Variants in ECT2L observed in about 807,000 individuals in gnomAD.
ECT2L encodes epithelial cell transforming 2 like, also known as epithelial cell-transforming sequence 2 oncogene-like.
ECT2L carries 126 observed loss-of-function variants against 122.8 expected under a neutral mutation model. The observed-to-expected ratio is 1.03, with a 90% CI of 0.89 to 1.19. The LOEUF (loss-of-function observed/expected upper bound fraction) is 1.19. ECT2L is among the 50% of genes most tolerant of loss of function. ECT2L has a pLI of 0.00. For missense variants in ECT2L, 1,012 were observed against 1,064.1 expected (o/e 0.95, Z 0.68); for synonymous variants, 385 against 381.8 (o/e 1.01, Z -0.10).
At chr6:138,801,924 T>C (rs1775557823) in intron 1 of ECT2L, among the ~76,000 whole-genome samples, 2 of 152,224 alleles carry the variant, frequency 1.3e-5, no homozygotes, top group South Asian at 4.1e-4. Flanking sequence ...TTATAAAATC[T>C]GGTGGTGGGC....
chr6:138,830,888 T>A (rs1266146204), intron 4 of ECT2L, among the ~76,000 whole-genome samples: 3 of 152,216 alleles, frequency 2.0e-5, no homozygotes, highest in South Asian at 2.1e-4. Context: ...AATATTTCTC[T>A]AACAGTGATC....
intron 14 of ECT2L, among the ~76,000 whole-genome samples, chr6:138,877,546 T>C (rs998759060): frequency 6.6e-6 from 1 of 152,154 alleles, no homozygotes; most frequent in Non-Finnish European, 1.5e-5. Flanking sequence ...AAAAAAATAA[T>C]ATGGACTGTA....
intron 4 of ECT2L, among the ~76,000 whole-genome samples, chr6:138,837,312 A>C (rs922562158): frequency 1.6e-4 from 25 of 151,966 alleles, no homozygotes; most frequent in African/African-American, 5.8e-4. Context: ...TAAACAACCA[A>C]TCTTCCAGCC....
chr6:138,846,589 G>T lies in ECT2L; in HGVS notation c.815G>T (p.Trp272Leu). ...HSYPLLSKKN[W>L]HGVHKNDDRS... ...TACCCTTTATTATCAAAGAAAAATT[G>T]GCATGGAGTTCATAAAAATGATGAC... Residue 272 changes from tryptophan (W) to leucine (L), a missense_variant, in exon 8 of 22, where the codon TGG (tryptophan) becomes TTG (leucine). By Grantham distance (61) the Trp-to-Leu change is moderately conservative. Coordinates refer to ENST00000541398, the MANE Select transcript of ECT2L (RefSeq NM_001077706.3). 1 of 1,610,314 alleles carries T rather than the reference G, an allele frequency of 6.2e-7. No individual in the cohort carries two copies. Among genetic ancestry groups the T allele is most frequent in the East Asian group, 2.2e-5 (1 of 44,828 alleles).
At chr6:138,878,302 TATATAC>T (rs1778526263) in intron 14 of ECT2L, among the ~76,000 whole-genome samples, 1 of 103,254 alleles carries the variant, frequency 9.7e-6, no homozygotes. Context: ...GATACATATA[TATATAC>T]ACACACACAC....
intron 1 of ECT2L, among the ~76,000 whole-genome samples, chr6:138,799,806 C>G (rs1044596892): frequency 5.3e-5 from 8 of 152,200 alleles, no homozygotes; most frequent in African/African-American, 1.7e-4. Context: ...CCACTCTGGC[C>G]TCCCAAAATG....
rs768172622 is a variant in ECT2L, at chr6:138,813,297, T to G, written c.23T>G (p.Phe8Cys). 1.9e-6 allele frequency: 3 copies of G among 1,612,612 alleles called. No homozygotes were observed. Among genetic ancestry groups the G allele is most frequent in the Non-Finnish European group, 2.5e-6 (3 of 1,179,678 alleles). ...GAAATGGAGAGCTTCCACACCAGAT[T>G]TAGTGCCTGGACACCTTTTAGCAAC... MESFHTR[F>C]SAWTPFSNKS... Residue 8 changes from phenylalanine (F) to cysteine (C), a missense_variant, in exon 3 of 22, where the codon TTT becomes TGT. Phe to Cys is a radical substitution (Grantham distance 205). Coordinates refer to ENST00000541398, the MANE Select transcript of ECT2L (RefSeq NM_001077706.3).
intron 20 of ECT2L, among the ~76,000 whole-genome samples, chr6:138,895,130 G>A (rs1482924548): frequency 6.6e-6 from 1 of 151,922 alleles, no homozygotes. Flanking sequence ...TTAGGTAAAT[G>A]CAAAAAGATA....
chr6:138,823,098 T>G, intron 4 of ECT2L: 1 of 1,542,396 alleles, frequency 6.5e-7, no homozygotes, highest in Non-Finnish European at 8.8e-7. Flanking sequence ...AACTTCAGCC[T>G]TGTACACACT....
intron 4 of ECT2L, among the ~76,000 whole-genome samples, chr6:138,817,823 A>G (rs1047145323): frequency 2.6e-5 from 4 of 152,182 alleles, no homozygotes; most frequent in Non-Finnish European, 4.4e-5. Flanking sequence ...CTGGTCTTTC[A>G]TGCCTAGCAA....
At chr6:138,822,819 A>G in intron 4 of ECT2L, 1 of 1,613,570 alleles carries the variant, frequency 6.2e-7, no homozygotes, top group Non-Finnish European at 8.5e-7. Context: ...TTATGACTAC[A>G]GTCAATATGA....
chr6:138,893,459 C>CAAA (rs1779109289), intron 20 of ECT2L, among the ~76,000 whole-genome samples: 5 of 151,618 alleles, frequency 3.3e-5, no homozygotes, highest in Admixed American at 1.3e-4. Flanking sequence ...CTCACTCTTT[C>CAAA]ACCCAGACTG....
At chr6:138,857,483 T>C (rs1777653428) in intron 10 of ECT2L, among the ~76,000 whole-genome samples, 1 of 152,114 alleles carries the variant, frequency 6.6e-6, no homozygotes, top group Non-Finnish European at 1.5e-5. Flanking sequence ...GCTCCTCCAG[T>C]GGGTCTCTGT....
At chr6:138,875,252 A>C (rs1466881913) in intron 13 of ECT2L, among the ~76,000 whole-genome samples, 1 of 152,242 alleles carries the variant, frequency 6.6e-6, no homozygotes, top group Non-Finnish European at 1.5e-5. Flanking sequence ...ACCTCCTGCC[A>C]TCTGGGACTG....
intron 15 of ECT2L, among the ~76,000 whole-genome samples, chr6:138,882,377 A>C (rs555378058): frequency 6.6e-6 from 1 of 152,322 alleles, no homozygotes; most frequent in Admixed American, 6.5e-5. Context: ...TGTTGAAGAC[A>C]GTGGAGCACT....
intron 14 of ECT2L, among the ~76,000 whole-genome samples, chr6:138,880,577 C>T (rs748088990): frequency 2.0e-5 from 3 of 152,132 alleles, no homozygotes; most frequent in Non-Finnish European, 4.4e-5. Context: ...AGTAGACAAG[C>T]CAAAGTCTTC....
chr6:138,848,104 A>C (rs564395399), intron 8 of ECT2L, among the ~76,000 whole-genome samples: 2 of 152,286 alleles, frequency 1.3e-5, no homozygotes, highest in African/African-American at 2.4e-5. Context: ...GGCATGCGGG[A>C]AACTGCCCTC....
chr6:138,844,932 A>G (rs1211469502), intron 7 of ECT2L, among the ~76,000 whole-genome samples: 1 of 151,878 alleles, frequency 6.6e-6, no homozygotes, highest in Non-Finnish European at 1.5e-5. Flanking sequence ...CCAGCTTTAC[A>G]TATTCTCAAC....
intron 1 of ECT2L, among the ~76,000 whole-genome samples, chr6:138,804,383 T>C (rs1168432730): frequency 6.6e-6 from 1 of 152,212 alleles, no homozygotes; most frequent in Non-Finnish European, 1.5e-5. Context: ...CCTGTATACC[T>C]GGGTCTATTT....
Sources: allele counts gnomAD v4.1 joint callset (sites outside exome capture counted in the v4.1 genomes callset), GRCh38; gene constraint gnomAD v4.1.1; transcripts MANE v1.5; gene names NCBI Gene and HGNC (gene_info 2026-07-23, HGNC 2026-07-21).